The following XRN1 variants were observed in gnomAD, a reference collection of about 807,000 sequenced individuals.
The protein encoded by XRN1 is strand-exchange protein 1 homolog.
Under a neutral mutation model 222.3 loss-of-function variants are expected in XRN1, and 67 were observed. The observed-to-expected ratio is 0.30, with a 90% CI of 0.25 to 0.37. The LOEUF is 0.37. Ranked by LOEUF, XRN1 falls within the 10% of genes least tolerant of loss-of-function variation. XRN1 has a pLI of 1.00. For synonymous variants in XRN1, 643 were observed against 652.4 expected (o/e 0.99, Z 0.22); for missense variants, 1,707 against 2,000.2 (o/e 0.85, Z 2.80).
intron 25 of XRN1, among the ~76,000 whole-genome samples, chr3:142,373,851 A>G (rs184733732): frequency 1.0e-3 from 156 of 152,198 alleles, no homozygotes; most frequent in East Asian, 5.0e-3. Context: ...GCATGGTGGC[A>G]GGTGCCTGTA....
chr3:142,365,353 T>C lies in XRN1; in HGVS notation c.3218A>G (p.Asn1073Ser). Residue 1073 changes from asparagine to serine, a missense_variant, in exon 28 of 41, where the codon AAT becomes AGT. Asn to Ser is a conservative substitution (Grantham distance 46, BLOSUM62 1). Around this residue, in one of 2 missense-constraint regions of XRN1, gnomAD observed 1,234 missense variants for 1,518.2 expected, o/e 0.81. Coordinates refer to ENST00000392981, the MANE Select transcript of XRN1 (RefSeq NM_001282857.2). ...TTTCACTGTTACTCGCACCTTCTTATTATTCTTTCTTTGCTGAGGAAAAAG... is the reference window on the plus strand; with the variant it reads ...TTTCACTGTTACTCGCACCTTCTTACTATTCTTTCTTTGCTGAGGAAAAAG... ...EVEKCKQRKN[N>S]KKVRVTVKPH... The C allele has an allele frequency of 6.4e-7, 1 of 1,567,752 alleles. No homozygotes were observed. The highest frequency in any genetic ancestry group is 1.3e-5 in the South Asian group (1 of 78,936).
chr3:142,446,809 T>C (rs918250657), intron 1 of XRN1, among the ~76,000 whole-genome samples: 1 of 152,214 alleles, frequency 6.6e-6, no homozygotes, highest in Admixed American at 6.5e-5. Flanking sequence ...CCTTGGAAAC[T>C]TTTTGTAGTC....
chr3:142,435,763 A>C lies in XRN1; in HGVS notation c.76-2870T>G, dbSNP rs200307545. Among the ~76,000 whole-genome samples the C allele has an allele frequency of 8.5e-3, 915 of 107,910 alleles. 1 individual carries two copies. Among genetic ancestry groups the C allele is most frequent in the African/African-American group, 0.022 (318 of 14,652 alleles). The allele number at this position is 107,910 out of a possible 152,430, so 70.8% of individuals were successfully genotyped here. A position where few individuals can be genotyped will look rare whatever the true frequency, so the allele number is the denominator to read the frequency against. ...CAGAGTGAAACTGTCCCCACCCCCC[A>C]AAAAAAAAAAAAAAAAAAGGCCAGG... On this transcript the variant is annotated intron_variant, in intron 1 of 40. Transcript: ENST00000392981.
At chr3:142,345,963 G>C (rs775913423) in intron 33 of XRN1, among the ~76,000 whole-genome samples, 2 of 152,170 alleles carry the variant, frequency 1.3e-5, no homozygotes, top group Non-Finnish European at 2.9e-5. Context: ...TATCCAAACA[G>C]TTCGGCAGTT....
intron 18 of XRN1, among the ~76,000 whole-genome samples, chr3:142,403,272 C>CA (rs1358921886): frequency 6.6e-6 from 1 of 152,098 alleles, no homozygotes; most frequent in Non-Finnish European, 1.5e-5. Context: ...TTCAGATACA[C>CA]AAAAAGGTTA....
At chr3:142,429,000 G>T (rs1432060052) in intron 2 of XRN1, among the ~76,000 whole-genome samples, 2 of 152,010 alleles carry the variant, frequency 1.3e-5, no homozygotes, top group Non-Finnish European at 1.5e-5. Flanking sequence ...AAGACAAGGA[G>T]ACTAAGAAAG....
At chr3:142,391,415 G>A (rs919130111) in intron 20 of XRN1, among the ~76,000 whole-genome samples, 1 of 151,952 alleles carries the variant, frequency 6.6e-6, no homozygotes, top group African/African-American at 2.4e-5. Flanking sequence ...ACTGCTTTGG[G>A]GTCAGTGTTG....
At chr3:142,388,382 C>T (rs186130105) in intron 20 of XRN1, among the ~76,000 whole-genome samples, 9 of 152,284 alleles carry the variant, frequency 5.9e-5, no homozygotes, top group Admixed American at 2.0e-4. Flanking sequence ...CTTATGTTAT[C>T]GGCAAGTCTT....
chr3:142,313,226 G>A, intron 39 of XRN1: 1 of 1,556,618 alleles, frequency 6.4e-7, no homozygotes, highest in South Asian at 1.2e-5. Context: ...ACCTTCATAT[G>A]ACAGGTAGAA....
At chr3:142,328,749 ATATATATATATATATATATATG>A (rs2065605478) in intron 37 of XRN1, among the ~76,000 whole-genome samples, 1 of 41,554 alleles carries the variant, frequency 2.4e-5, no homozygotes, top group Non-Finnish European at 4.1e-5. Flanking sequence ...ATATATATAT[ATATATATATATATATATATATG>A]TTTCAGAGAC....
intron 22 of XRN1, among the ~76,000 whole-genome samples, chr3:142,381,871 T>C (rs1368715410): frequency 6.6e-6 from 1 of 152,138 alleles, no homozygotes; most frequent in Admixed American, 6.5e-5. Flanking sequence ...CAGCCAACAT[T>C]GACATTTTGA....
intron 22 of XRN1, among the ~76,000 whole-genome samples, chr3:142,382,536 T>C (rs182043407): frequency 1.3e-5 from 2 of 152,244 alleles, no homozygotes. Flanking sequence ...CATGACATAC[T>C]CCCACCATTC....
chr3:142,440,629 A>G (rs1313700508), intron 1 of XRN1, among the ~76,000 whole-genome samples: 1 of 151,992 alleles, frequency 6.6e-6, no homozygotes, highest in African/African-American at 2.4e-5. Flanking sequence ...AATACTCCAA[A>G]TTTAGGAGTA....
chr3:142,442,199 A>T (rs911534048), intron 1 of XRN1, among the ~76,000 whole-genome samples: 2 of 152,192 alleles, frequency 1.3e-5, no homozygotes, highest in South Asian at 2.1e-4. Context: ...GGAATTCCTA[A>T]CTTTGGAGGG....
At chr3:142,445,659 C>G (rs903008845) in intron 1 of XRN1, among the ~76,000 whole-genome samples, 3 of 152,068 alleles carry the variant, frequency 2.0e-5, no homozygotes, top group Non-Finnish European at 4.4e-5. Flanking sequence ...CTCTATTGTC[C>G]CTTTCATAAA....
At chr3:142,397,297 C>A in intron 20 of XRN1, 32 bp downstream of exon 20, 1 of 1,529,896 alleles carries the variant, frequency 6.5e-7, no homozygotes, top group South Asian at 1.3e-5. Flanking sequence ...GATTTTAGTT[C>A]CATGATATTA....
At chr3:142,367,201 C>A (rs1046590873) in intron 27 of XRN1, among the ~76,000 whole-genome samples, 2 of 151,982 alleles carry the variant, frequency 1.3e-5, no homozygotes, top group African/African-American at 4.8e-5. Flanking sequence ...GCAGAAGAAT[C>A]GCTTGAACAC....
intron 30 of XRN1, among the ~76,000 whole-genome samples, chr3:142,358,938 T>C (rs2066540338): frequency 6.6e-6 from 1 of 152,160 alleles, no homozygotes; most frequent in African/African-American, 2.4e-5. Context: ...AGTTCAGTTT[T>C]CCAGCTGATT....
At chr3:142,346,919 T>C (rs113055280) in intron 33 of XRN1, among the ~76,000 whole-genome samples, 485 of 152,348 alleles carry the variant, frequency 3.2e-3, no homozygotes, top group Non-Finnish European at 5.7e-3. Flanking sequence ...TAAAAGTTCA[T>C]ATATTTTCTG....
Sources: gnomAD v4.1 joint callset for allele counts (sites outside exome capture counted in the v4.1 genomes callset) on GRCh38, gnomAD v4.1.1 for gene constraint, gnomAD v4.1.1 regional missense constraint, MANE v1.5 for transcripts, NCBI Gene and HGNC (gene_info 2026-07-23, HGNC 2026-07-21) for gene names.